The following RBM47 variants were observed in gnomAD, a reference collection of about 807,000 sequenced individuals.
The protein encoded by RBM47 is RNA-binding protein 47.
In RBM47, 21 loss-of-function variants were observed where a neutral mutation model predicts 47.1. The ratio of observed to expected loss-of-function variants is 0.45; its 90% CI spans 0.32 to 0.64. RBM47 has a LOEUF of 0.64. Ranked by LOEUF, RBM47 falls within the 30% of genes least tolerant of loss-of-function variation. The pLI is 0.05. For missense variants in RBM47, 708 were observed against 870.9 expected (o/e 0.81, Z 2.35); for synonymous variants, 375 against 361.7 (o/e 1.04, Z -0.42).
chr4:40,625,161 T>A (rs1313070667), intron 1 of RBM47, among the ~76,000 whole-genome samples: 1 of 152,194 alleles, frequency 6.6e-6, no homozygotes, highest in East Asian at 1.9e-4. Flanking sequence ...GCCATCTTTT[T>A]AAAAGTCACA....
chr4:40,547,967 G>T (rs1007712853), intron 1 of RBM47, among the ~76,000 whole-genome samples: 2 of 152,258 alleles, frequency 1.3e-5, no homozygotes, highest in African/African-American at 4.8e-5. Flanking sequence ...TGGTATTACA[G>T]TGTGGATAGT....
At chr4:40,436,939 CCG>C (rs1491171486) in intron 4 of RBM47, 16 of 491,526 alleles carry the variant, frequency 3.3e-5, no homozygotes, top group Middle Eastern at 3.3e-4. Flanking sequence ...CCCCTCCCCC[CCG>C]CCAAAAAAAA....
At chr4:40,457,464 T>C (rs2154221783) in intron 3 of RBM47, among the ~76,000 whole-genome samples, 1 of 151,498 alleles carries the variant, frequency 6.6e-6, no homozygotes, top group African/African-American at 2.4e-5. Flanking sequence ...TTAAAATTTG[T>C]GTGTAAAAGG....
chr4:40,621,842 C>T (rs931801837), intron 1 of RBM47, among the ~76,000 whole-genome samples: 6 of 152,318 alleles, frequency 3.9e-5, no homozygotes, highest in Non-Finnish European at 7.4e-5. Context: ...AGTGCTGAAA[C>T]GATTGCGACA....
intron 1 of RBM47, among the ~76,000 whole-genome samples, chr4:40,574,829 AAC>A (rs1298715697): frequency 6.6e-6 from 1 of 152,204 alleles, no homozygotes; most frequent in Non-Finnish European, 1.5e-5. Flanking sequence ...TAGCCTGGGC[AAC>A]AGAGTGAGAC....
Position 40,438,058 on chromosome 4 carries a change from T to G in RBM47, c.836A>C (p.Lys279Thr). The G allele has an allele frequency of 6.2e-7, 1 of 1,613,844 alleles. No individual in the cohort carries two copies. The highest frequency in any genetic ancestry group is 8.5e-7 in the Non-Finnish European group (1 of 1,180,020). The change falls in exon 4 of 7, where the codon AAG becomes ACG. Residue 279 changes from lysine (K) to threonine (T), a missense_variant. Physicochemically the swap from Lys to Thr is moderately conservative, Grantham distance 78. Coordinates refer to ENST00000295971, the MANE Select transcript of RBM47 (RefSeq NM_001098634.2). ...FNPGCVERVK[K>T]IRDYAFVHFT... Reference sequence around the variant, plus strand: ...GTGCACGAAGGCGTAGTCGCGGATCTTCTTGACGCGCTCCACGCAGCCGGG... The same window carrying G: ...GTGCACGAAGGCGTAGTCGCGGATCGTCTTGACGCGCTCCACGCAGCCGGG...
rs979158793 is a variant in RBM47, at chr4:40,628,619, A to G, written c.-240+777T>C. 2.0e-5 allele frequency among the ~76,000 whole-genome samples: 3 copies of G among 152,090 alleles called. No homozygotes were observed. The highest frequency in any genetic ancestry group is 4.8e-5 in the African/African-American group (2 of 41,366). Reference sequence around the variant, plus strand: ...TTAAAGAATACATTTTAAAATCTATATTCCTGCTAAAGAAAACAGTGAGTC... The same window carrying G: ...TTAAAGAATACATTTTAAAATCTATGTTCCTGCTAAAGAAAACAGTGAGTC... On this transcript the variant is annotated intron_variant, in intron 1 of 6. Coordinates refer to ENST00000295971, the MANE Select transcript of RBM47 (RefSeq NM_001098634.2). This position sits in a 1 kb window ranked among gnomAD's most constrained non-coding sequence, Gnocchi z 4.0.
intron 3 of RBM47, among the ~76,000 whole-genome samples, chr4:40,464,455 A>C (rs1163135169): frequency 3.3e-5 from 5 of 152,182 alleles, no homozygotes; most frequent in Non-Finnish European, 7.3e-5. Flanking sequence ...AATTATAGCA[A>C]TACTCTAATA....
rs1714672519 is a variant in RBM47 at position 40,423,704 on chromosome 4, CTTT to C, written c.*2197_*2199del. On this transcript the variant is annotated 3_prime_UTR_variant, in exon 7 of 7. Transcript: ENST00000295971. ...TCTTTCTTTCTTTCTTTCTTTCTTTCTTTCTTTCTTTTCTTTCTTTTCTTTCTT... is the reference window on the plus strand; with the variant it reads ...TCTTTCTTTCTTTCTTTCTTTCTTTCCTTTCTTTTCTTTCTTTTCTTTCTT... 8.8e-5 allele frequency: 4 copies of C among 45,540 alleles called. No homozygotes were observed. The highest frequency in any genetic ancestry group is 3.8e-4 in the African/African-American group (4 of 10,424). The allele number at this position is 45,540 out of a possible 1,614,324, so 2.8% of individuals were successfully genotyped here.
intron 3 of RBM47, among the ~76,000 whole-genome samples, chr4:40,465,094 C>T (rs1717810047): frequency 6.6e-6 from 1 of 151,944 alleles, no homozygotes; most frequent in Non-Finnish European, 1.5e-5. Flanking sequence ...AAATTTTGCT[C>T]TCTGAGTCCC....
At chr4:40,554,796 G>A (rs1377253581) in intron 1 of RBM47, among the ~76,000 whole-genome samples, 5 of 124,642 alleles carry the variant, frequency 4.0e-5, no homozygotes, top group South Asian at 2.6e-4. Context: ...TTTTTTTAAC[G>A]AATCTCCCAG....
chr4:40,529,618 G>A (rs892563768), intron 2 of RBM47, among the ~76,000 whole-genome samples: 7 of 143,660 alleles, frequency 4.9e-5, no homozygotes, highest in South Asian at 4.7e-4. Context: ...CAGATCACCC[G>A]AAGAGCTCGA....
chr4:40,623,582 C>T (rs1033205019), intron 1 of RBM47, among the ~76,000 whole-genome samples: 12 of 152,132 alleles, frequency 7.9e-5, no homozygotes, highest in African/African-American at 1.7e-4. Flanking sequence ...GCAATCATAA[C>T]GTACTAAAGC....
rs1713143886 is a variant in RBM47 at position 40,438,776 on chromosome 4, C to T, written c.118G>A (p.Glu40Lys). The T allele has an allele frequency of 7.0e-6, 11 of 1,564,230 alleles. No individual in the cohort carries two copies. Among genetic ancestry groups the T allele is most frequent in the Non-Finnish European group, 9.5e-6 (11 of 1,159,916 alleles). The change falls in exon 4 of 7, where the codon GAG (glutamate) becomes AAG (lysine). Residue 40 changes from glutamate (E) to lysine (K), a missense_variant. Glu to Lys is a moderately conservative substitution (Grantham distance 56, BLOSUM62 1). Coordinates refer to ENST00000295971, the MANE Select transcript of RBM47 (RefSeq NM_001098634.2). ...TGCACCATGCTGTAGCCCGTGCGCT[C>T]CATCAGCGCCAGCAGTGCTGCCTCG... ...PNEAALLALM[E>K]RTGYSMVQEN...
chr4:40,426,207 C>A, intron 6 of RBM47, 64 bp from the exon 7 acceptor site: 1 of 1,546,728 alleles, frequency 6.5e-7, no homozygotes, highest in Non-Finnish European at 8.7e-7. Context: ...TCCATTCATT[C>A]AACAAGCCTC....
At chr4:40,512,714 CA>C (rs542452466) in intron 2 of RBM47, among the ~76,000 whole-genome samples, 187 of 43,316 alleles carry the variant, frequency 4.3e-3, no homozygotes, top group East Asian at 6.1e-3. Context: ...GACTTCATCT[CA>C]AAAAAAAAAA....
At chr4:40,623,385 C>T (rs1408893451) in intron 1 of RBM47, among the ~76,000 whole-genome samples, 1 of 152,194 alleles carries the variant, frequency 6.6e-6, no homozygotes, top group Non-Finnish European at 1.5e-5. Context: ...CCTGTCCTTC[C>T]TCATCTCTTT....
chr4:40,617,228 C>G (rs1736835931), intron 1 of RBM47, among the ~76,000 whole-genome samples: 1 of 152,062 alleles, frequency 6.6e-6, no homozygotes, highest in South Asian at 2.1e-4. Flanking sequence ...GGATGAATCT[C>G]TGTTCACACA....
chr4:40,471,031 C>G (rs1718782253), intron 2 of RBM47, among the ~76,000 whole-genome samples: 1 of 152,184 alleles, frequency 6.6e-6, no homozygotes, highest in Admixed American at 6.5e-5. Flanking sequence ...GCGTGAGCCA[C>G]CGCGTCTCGC....
Sources: allele counts gnomAD v4.1 joint callset (sites outside exome capture counted in the v4.1 genomes callset), GRCh38; gene constraint gnomAD v4.1.1; non-coding constraint Gnocchi (gnomAD v3.1); transcripts MANE v1.5; gene names NCBI Gene and HGNC (gene_info 2026-07-23, HGNC 2026-07-21).